IQSEC1: variants seen among roughly 807,000 people sequenced by gnomAD.
IQSEC1 encodes the protein IQ motif and SEC7 domain-containing protein 1.
Under a neutral mutation model 91.0 loss-of-function variants are expected in IQSEC1, and 31 were observed. The observed-to-expected ratio is 0.34, with a 90% CI of 0.26 to 0.46. The LOEUF is 0.46. IQSEC1 is among the 20% of genes least tolerant of loss of function. IQSEC1 has a pLI of 1.00. For synonymous variants in IQSEC1, 699 were observed against 662.6 expected (o/e 1.05, Z -0.84); for missense variants, 1,388 against 1,575.6 (o/e 0.88, Z 2.02).
chr3:12,943,753 C>A (rs2596898), intron 1 of IQSEC1, among the ~76,000 whole-genome samples: 88,609 of 152,156 alleles, frequency 0.58, 26,888 homozygotes, highest in East Asian at 0.85. Context: ...CTCCGGCTCC[C>A]GTGAAGCCTG....
Position 12,940,123 on chromosome 3 carries a change from C to T in IQSEC1, c.318+1448G>A, listed in dbSNP as rs1698613841. Among the ~76,000 whole-genome samples, 1 of 152,226 alleles carries T rather than the reference C, an allele frequency of 6.6e-6. No individual in the cohort carries two copies. Among genetic ancestry groups the T allele is most frequent in the African/African-American group, 2.4e-5 (1 of 41,460 alleles). On this transcript the variant is annotated intron_variant, in intron 2 of 13. Coordinates refer to ENST00000613206, the MANE Select transcript of IQSEC1 (RefSeq NM_001134382.3). This position sits in a 1 kb window ranked among gnomAD's most constrained non-coding sequence, Gnocchi z 4.4. ...ATGGCTCTGTTGCAGACATCTCTTA[C>T]TATAAACCGTGGTCCACTTTGGATC...
intron 1 of IQSEC1, among the ~76,000 whole-genome samples, chr3:13,234,674 A>C (rs547280673): frequency 1.3e-5 from 2 of 152,310 alleles, no homozygotes; most frequent in East Asian, 3.9e-4. Context: ...TGCCCAGTGC[A>C]TGCCCAGTCC....
chr3:12,950,174 A>G (rs2125412601), intron 1 of IQSEC1, among the ~76,000 whole-genome samples: 1 of 152,360 alleles, frequency 6.6e-6, no homozygotes, highest in African/African-American at 2.4e-5. Context: ...TGGAGGCTCA[A>G]GAAGGGCCCA....
chr3:13,011,911 C>A (rs1702899730), intron 1 of IQSEC1, among the ~76,000 whole-genome samples: 1 of 151,884 alleles, frequency 6.6e-6, no homozygotes, highest in Admixed American at 6.6e-5. Context: ...TGAGCCTGGC[C>A]AATGAGTGAG....
intron 1 of IQSEC1, among the ~76,000 whole-genome samples, chr3:13,237,111 T>C (rs572927888): frequency 6.6e-5 from 10 of 152,364 alleles, no homozygotes; most frequent in South Asian, 2.1e-4. Flanking sequence ...ACCTCTCCAC[T>C]TTCCTCTGAT....
At chr3:13,101,419 C>CAAAAAAAAAAAAAAAA (rs5846799) in intron 2 of IQSEC1, among the ~76,000 whole-genome samples, 1 of 119,482 alleles carries the variant, frequency 8.4e-6, no homozygotes, top group African/African-American at 3.3e-5. Flanking sequence ...ATTCCATCTC[C>CAAAAAAAAAAAAAAAA]AAAAAAAAAA....
At chr3:13,252,414 T>C (rs954782834) in intron 1 of IQSEC1, among the ~76,000 whole-genome samples, 6 of 152,264 alleles carry the variant, frequency 3.9e-5, no homozygotes, top group African/African-American at 1.2e-4. Flanking sequence ...ACTGTGTGCA[T>C]AGACCACAGT....
At chr3:13,167,306 G>C (rs565581873) in intron 1 of IQSEC1, among the ~76,000 whole-genome samples, 1 of 152,324 alleles carries the variant, frequency 6.6e-6, no homozygotes, top group Middle Eastern at 3.4e-3. Context: ...CTAGGGAGGT[G>C]AGAAGAGAAA....
At chr3:13,113,058 T>C (rs1319631546) in intron 2 of IQSEC1, among the ~76,000 whole-genome samples, 1 of 152,232 alleles carries the variant, frequency 6.6e-6, no homozygotes, top group East Asian at 1.9e-4. Context: ...GCTGCTGCTC[T>C]TTCCAGGCTC....
rs1341498863 is a variant in IQSEC1, at chr3:13,214,291, C to T, written c.273-50158G>A. ...ACCCTGTCTGAGTCATTAACATCAG[C>T]CTTCTGCAGAGGACCCGGAACACCA... On this transcript the variant is annotated intron_variant, in intron 1 of 15. Coordinates refer to the IQSEC1 transcript ENST00000648114. The surrounding 1 kb of genome is among the most constrained non-coding windows in gnomAD (Gnocchi z 4.5). 6.6e-6 allele frequency among the ~76,000 whole-genome samples: 1 copy of T among 152,244 alleles called. No homozygotes were observed. The highest frequency in any genetic ancestry group is 2.4e-5 in the African/African-American group (1 of 41,466).
intron 1 of IQSEC1, among the ~76,000 whole-genome samples, chr3:13,263,164 C>G (rs1003275583): frequency 1.3e-5 from 2 of 152,092 alleles, no homozygotes; most frequent in Admixed American, 1.3e-4. Flanking sequence ...GCTTGAGAAT[C>G]TCTTGAGCCT....
chr3:12,981,371 G>GGA (rs1363112340), intron 1 of IQSEC1, among the ~76,000 whole-genome samples: 2 of 152,162 alleles, frequency 1.3e-5, no homozygotes, highest in Non-Finnish European at 2.9e-5. Context: ...AAAAATGGGG[G>GGA]GATAACATTT....
rs1475142065 is a variant in IQSEC1 at position 13,190,067 on chromosome 3, T to C, written c.273-25934A>G. On this transcript the variant is annotated intron_variant, in intron 1 of 15. Transcript: ENST00000648114. ...ACCTGCCACAGCTGCCTAAATAGAG[T>C]TCCAGCAGTTTCCCAGACTCTCACC... Among the ~76,000 whole-genome samples, 4 of 151,612 alleles carry C rather than the reference T, an allele frequency of 2.6e-5. No individual in the cohort carries two copies. In the East Asian group the frequency reaches 7.8e-4, roughly 29 times the overall value.
chr3:13,205,370 T>C (rs955416740), intron 1 of IQSEC1, among the ~76,000 whole-genome samples: 1 of 152,116 alleles, frequency 6.6e-6, no homozygotes, highest in Non-Finnish European at 1.5e-5. Flanking sequence ...AACGCCCACC[T>C]GTGCCCAGGC....
intron 1 of IQSEC1, among the ~76,000 whole-genome samples, chr3:13,195,301 A>G (rs1250900569): frequency 1.3e-5 from 2 of 152,228 alleles, no homozygotes; most frequent in Non-Finnish European, 2.9e-5. Context: ...CTGCATGCCT[A>G]CCGTGATGAC....
rs966937817 is a variant in IQSEC1 at position 12,967,974 on chromosome 3, G to C, written c.24-26109C>G. 2.6e-5 allele frequency among the ~76,000 whole-genome samples: 4 copies of C among 152,168 alleles called. No homozygotes were observed. Among genetic ancestry groups the C allele is most frequent in the Non-Finnish European group, 4.4e-5 (3 of 67,992 alleles). On this transcript the variant is annotated intron_variant, in intron 1 of 13. Coordinates refer to ENST00000613206, the MANE Select transcript of IQSEC1 (RefSeq NM_001134382.3). This position sits in a 1 kb window ranked among gnomAD's most constrained non-coding sequence, Gnocchi z 5.9. ...CGAGGCGCGGGGTGCAGAGCGCAAG[G>C]GCGGAGTCCCAGACACTGCATCCAG...
intron 1 of IQSEC1, among the ~76,000 whole-genome samples, chr3:12,972,044 A>C (rs1402915386): frequency 2.0e-5 from 3 of 150,056 alleles, no homozygotes; most frequent in Non-Finnish European, 4.4e-5. Flanking sequence ...CAAACAAACA[A>C]AAACAAAAGG....
intron 1 of IQSEC1, among the ~76,000 whole-genome samples, chr3:12,956,386 A>G (rs755047800): frequency 2.1e-4 from 32 of 152,326 alleles, no homozygotes; most frequent in Non-Finnish European, 4.0e-4. Flanking sequence ...GAACTCCCAC[A>G]GCTCTGCATG....
intron 1 of IQSEC1, among the ~76,000 whole-genome samples, chr3:13,186,148 A>G (rs1291870198): frequency 1.3e-5 from 2 of 152,164 alleles, no homozygotes; most frequent in East Asian, 1.9e-4. Flanking sequence ...GCTGCTGTCT[A>G]TATCTATTAC....
Sources: allele counts gnomAD v4.1 joint callset (sites outside exome capture counted in the v4.1 genomes callset), GRCh38; gene constraint gnomAD v4.1.1; non-coding constraint Gnocchi (gnomAD v3.1); transcripts MANE v1.5; gene names NCBI Gene and HGNC (gene_info 2026-07-23, HGNC 2026-07-21).